The following PCGF6 variants were observed in gnomAD, a reference collection of about 807,000 sequenced individuals.
PCGF6 encodes polycomb group ring finger 6, also known as polycomb group RING finger protein 6.
A neutral mutation model predicts 45.5 loss-of-function variants in PCGF6; 24 were observed. That is an observed-to-expected ratio of 0.53 (90% CI 0.38 to 0.74). PCGF6 has a LOEUF of 0.74. PCGF6 is among the 30% of genes least tolerant of loss of function. PCGF6 has a pLI of 0.00. For synonymous variants in PCGF6, 152 were observed against 162.1 expected (o/e 0.94, Z 0.47); for missense variants, 356 against 443.2 (o/e 0.80, Z 1.77).
Position 103,325,144 on chromosome 10 carries a change from A to T in PCGF6, c.909+1390T>A, listed in dbSNP as rs1376515341. ...AGTGGGACTCAGTCTCAAAATAATA[A>T]ATAAAATAAAATAAAATAAAATAAA... On this transcript the variant is annotated intron_variant, in intron 8 of 9. Coordinates refer to ENST00000369847, the MANE Select transcript of PCGF6 (RefSeq NM_001011663.2). Among the ~76,000 whole-genome samples, 4 of 58,026 alleles carry T rather than the reference A, an allele frequency of 6.9e-5. No individual in the cohort carries two copies. The East Asian group carries it at 2.4e-3, about 35-fold the overall frequency. 38.1% of individuals were successfully genotyped at this position (58,026 alleles called of 152,430 possible). A position where few individuals can be genotyped will look rare whatever the true frequency, so the allele number is the denominator to read the frequency against.
At chr10:103,333,768 C>G (rs926323716) in intron 7 of PCGF6, among the ~76,000 whole-genome samples, 157 bp downstream of exon 7, 11 of 152,002 alleles carry the variant, frequency 7.2e-5, no homozygotes, top group Non-Finnish European at 1.6e-4. Context: ...GAACAAATCC[C>G]TACTTAATAA....
intron 9 of PCGF6, among the ~76,000 whole-genome samples, chr10:103,311,461 T>G (rs77406134): frequency 6.6e-6 from 1 of 150,820 alleles, no homozygotes; most frequent in East Asian, 2.0e-4. Flanking sequence ...TTTTTTTTTT[T>G]TGAGACATGG....
intron 7 of PCGF6, among the ~76,000 whole-genome samples, chr10:103,327,881 TAGCC>T (rs2093225154): frequency 6.6e-6 from 1 of 151,382 alleles, no homozygotes; most frequent in African/African-American, 2.4e-5. Context: ...GTTTCACTGT[TAGCC>T]AGCATGGTCT....
chr10:103,309,061 T>C (rs1408449547), intron 9 of PCGF6, among the ~76,000 whole-genome samples: 2 of 152,144 alleles, frequency 1.3e-5, no homozygotes, highest in African/African-American at 4.8e-5. Context: ...TTTGACAGGC[T>C]CATAGGCAGA....
chr10:103,339,822 C>T (rs1411497692), intron 6 of PCGF6, among the ~76,000 whole-genome samples: 2 of 92,064 alleles, frequency 2.2e-5, no homozygotes, highest in East Asian at 3.6e-4. Context: ...CACACACACA[C>T]ACACACACAC....
At chr10:103,320,690 CAA>C (rs879816277) in intron 8 of PCGF6, among the ~76,000 whole-genome samples, 2 of 142,424 alleles carry the variant, frequency 1.4e-5, no homozygotes, top group African/African-American at 5.1e-5. Flanking sequence ...AACTTTGTCT[CAA>C]AAAAAAAAAG....
chr10:103,342,164 A>C (rs1355340824), intron 6 of PCGF6, among the ~76,000 whole-genome samples: 1 of 151,392 alleles, frequency 6.6e-6, no homozygotes, highest in Non-Finnish European at 1.5e-5. Flanking sequence ...TCAAACTCCT[A>C]ATCTCAAGTG....
intron 6 of PCGF6, among the ~76,000 whole-genome samples, chr10:103,342,262 T>G (rs2093283670): frequency 1.4e-5 from 2 of 146,290 alleles, no homozygotes; most frequent in African/African-American, 5.1e-5. Context: ...AGACAGAGTT[T>G]CGCTCTCATT....
At chr10:103,321,114 T>C (rs1253091135) in intron 8 of PCGF6, among the ~76,000 whole-genome samples, 4 of 152,036 alleles carry the variant, frequency 2.6e-5, no homozygotes, top group Non-Finnish European at 4.4e-5. Context: ...AGTAGCTGAG[T>C]GGTAGAATAT....
At chr10:103,312,254 G>A (rs960995991) in intron 9 of PCGF6, among the ~76,000 whole-genome samples, 12 of 151,746 alleles carry the variant, frequency 7.9e-5, no homozygotes, top group Non-Finnish European at 1.6e-4. Flanking sequence ...TTAGCCAGGC[G>A]TGGTGGCAGG....
rs747461274 is a variant in PCGF6 at position 103,350,861 on chromosome 10, C to G, written c.206G>C (p.Ser69Thr). The G allele has an allele frequency of 1.8e-5, 28 of 1,541,194 alleles. No individual in the cohort carries two copies. Among genetic ancestry groups the G allele is most frequent in the Non-Finnish European group, 2.4e-5 (27 of 1,144,070 alleles). Residue 69 changes from serine to threonine, a missense_variant, in exon 1 of 10, where the codon AGC becomes ACC. Transcript: ENST00000369847. ...GAAGCGGCCTCTGAAGCGGCCCAGG[C>G]TGCGCTCCGGCTCCAGCTCAGGGGG... is the stretch of plus-strand genomic sequence containing the variant. ...SRPPELEPER[S>T]LGRFRGRFED...
chr10:103,326,650 TAA>T lies in PCGF6; in HGVS notation c.811-20_811-19del, dbSNP rs1564728771. On this transcript the variant is annotated intron_variant, in intron 7 of 9. Transcript: ENST00000369847. ...TCCAATGGCTACAAAAACAGACAGATAAAACTATTTTTAGGTTAAATATACCT... is the reference window on the plus strand; with the variant it reads ...TCCAATGGCTACAAAAACAGACAGATAACTATTTTTAGGTTAAATATACCT... 4 of 1,592,500 alleles carry T rather than the reference TAA, an allele frequency of 2.5e-6. No homozygotes were observed. Among genetic ancestry groups the T allele is most frequent in the Non-Finnish European group, 3.4e-6 (4 of 1,166,138 alleles).
intron 9 of PCGF6, chr10:103,312,627 A>G (rs1234986576): frequency 1.3e-5 from 2 of 152,794 alleles, no homozygotes; most frequent in Admixed American, 6.6e-5. Flanking sequence ...TCAAATCTTC[A>G]TTAGTACTTC....
chr10:103,328,231 T>C (rs1296464358), intron 7 of PCGF6, among the ~76,000 whole-genome samples: 1 of 152,178 alleles, frequency 6.6e-6, no homozygotes, highest in Non-Finnish European at 1.5e-5. Context: ...ACTTACAGAC[T>C]GGGAGCCTAG....
At chr10:103,336,227 G>A (rs2093256664) in intron 6 of PCGF6, among the ~76,000 whole-genome samples, 1 of 149,714 alleles carries the variant, frequency 6.7e-6, no homozygotes, top group African/African-American at 2.5e-5. Flanking sequence ...GAGTGAGACT[G>A]CGTCTCCAAA....
rs1335408565 is a variant in PCGF6, at chr10:103,320,502, C to A, written c.909+6032G>T. Among the ~76,000 whole-genome samples the A allele has an allele frequency of 2.0e-5, 3 of 152,066 alleles. No homozygotes were observed. The East Asian group carries it at 5.8e-4, about 29-fold the overall frequency. Reference sequence around the variant, plus strand: ...GGGAGTTCAAGACCAGCCTGGCCAACATGGAGAAACTCTGTCTACTAAAAA... The same window carrying A: ...GGGAGTTCAAGACCAGCCTGGCCAAAATGGAGAAACTCTGTCTACTAAAAA... On this transcript the variant is annotated intron_variant, in intron 8 of 9. Coordinates refer to ENST00000369847, the MANE Select transcript of PCGF6 (RefSeq NM_001011663.2).
At chr10:103,313,260 C>A (rs2093163675) in intron 9 of PCGF6, among the ~76,000 whole-genome samples, 1 of 152,090 alleles carries the variant, frequency 6.6e-6, no homozygotes, top group South Asian at 2.1e-4. Flanking sequence ...CTGTCTTTGG[C>A]CAACATAAAA....
chr10:103,306,522 C>T (rs1307497749), intron 9 of PCGF6, among the ~76,000 whole-genome samples: 1 of 152,176 alleles, frequency 6.6e-6, no homozygotes, highest in Admixed American at 6.6e-5. Context: ...GGTTGCAGCT[C>T]ATATATCCTG....
chr10:103,305,652 C>T (rs6584547), intron 9 of PCGF6, among the ~76,000 whole-genome samples: 73,521 of 151,968 alleles, frequency 0.48, 17,959 homozygotes, highest in South Asian at 0.65. Context: ...GATCTGTTCA[C>T]TTCCACATAA....
Sources: allele counts gnomAD v4.1 joint callset (sites outside exome capture counted in the v4.1 genomes callset), GRCh38; gene constraint gnomAD v4.1.1; transcripts MANE v1.5; gene names NCBI Gene and HGNC (gene_info 2026-07-23, HGNC 2026-07-21).